The following RNF212B variants were observed in gnomAD, a reference collection of about 807,000 sequenced individuals.
The protein encoded by RNF212B is E3 ubiquitin-protein ligase RNF212B.
A neutral mutation model predicts 55.5 loss-of-function variants in RNF212B; 52 were observed. The observed-to-expected ratio is 0.94, with a 90% CI of 0.75 to 1.18. The LOEUF (loss-of-function observed/expected upper bound fraction) is 1.18. RNF212B is among the 50% of genes most tolerant of loss of function. The pLI, the probability that RNF212B is intolerant of heterozygous loss-of-function variation, is 0.00. For missense variants in RNF212B, 289 were observed against 350.4 expected (o/e 0.82, Z 1.40); for synonymous variants, 99 against 121.4 (o/e 0.82, Z 1.21).
intron 2 of RNF212B, among the ~76,000 whole-genome samples, chr14:23,194,734 C>CAA (rs34019946): frequency 0.062 from 4,649 of 74,568 alleles, 513 homozygotes; most frequent in South Asian, 0.13. Context: ...GACTCTGTCT[C>CAA]AAAAAAAAAA....
chr14:23,197,885 A>G (rs1878885736), intron 2 of RNF212B, among the ~76,000 whole-genome samples: 1 of 151,820 alleles, frequency 6.6e-6, no homozygotes. Context: ...GCCATTTCAT[A>G]GGATTTGGGA....
chr14:23,267,435 ATT>A (rs541785125), intron 11 of RNF212B, among the ~76,000 whole-genome samples: 2 of 144,012 alleles, frequency 1.4e-5, no homozygotes. Flanking sequence ...TCTTGTAACA[ATT>A]TTTTTTTTTT....
intron 2 of RNF212B, among the ~76,000 whole-genome samples, chr14:23,208,231 T>G (rs1166298034): frequency 6.6e-6 from 1 of 152,152 alleles, no homozygotes; most frequent in Non-Finnish European, 1.5e-5. Context: ...TTCAAAAGAC[T>G]TAGGAGTCAG....
At chr14:23,215,367 A>G (rs1317044336) in intron 2 of RNF212B, among the ~76,000 whole-genome samples, 2 of 152,192 alleles carry the variant, frequency 1.3e-5, no homozygotes, top group African/African-American at 4.8e-5. Flanking sequence ...ACAGTTTCCT[A>G]TGGAGAAACA....
intron 2 of RNF212B, among the ~76,000 whole-genome samples, chr14:23,225,850 T>C (rs1326085132): frequency 6.6e-6 from 1 of 152,142 alleles, no homozygotes; most frequent in East Asian, 1.9e-4. Context: ...TTGGATTGTT[T>C]GTAACACAAA....
intron 2 of RNF212B, among the ~76,000 whole-genome samples, chr14:23,208,981 A>G (rs895810611): frequency 6.6e-5 from 10 of 151,700 alleles, no homozygotes; most frequent in Admixed American, 3.3e-4. Context: ...GATGGTCTCG[A>G]TCTCCTGACC....
chr14:23,254,068 C>T (rs117790239), intron 4 of RNF212B, among the ~76,000 whole-genome samples: 2,059 of 152,092 alleles, frequency 0.014, 18 homozygotes, highest in Middle Eastern at 0.031. Flanking sequence ...GGCTAGATCC[C>T]AGGAGTTTGA....
intron 2 of RNF212B, among the ~76,000 whole-genome samples, chr14:23,202,250 TAAAA>T (rs57327070): frequency 1.0e-4 from 14 of 134,026 alleles, no homozygotes; most frequent in Admixed American, 7.5e-5. Flanking sequence ...GACCCTGTCT[TAAAA>T]AAAAAAAAAA....
At chr14:23,244,203 A>C in intron 3 of RNF212B, 119 bp from the exon 4 acceptor site, 1 of 556,886 alleles carries the variant, frequency 1.8e-6, no homozygotes, top group Non-Finnish European at 3.1e-6. Context: ...TCCCTTTTAC[A>C]CACAGTGGAG....
intron 2 of RNF212B, among the ~76,000 whole-genome samples, chr14:23,211,690 A>G (rs1438109965): frequency 6.6e-6 from 1 of 152,248 alleles, no homozygotes; most frequent in African/African-American, 2.4e-5. Flanking sequence ...AAAACAATGT[A>G]ATTCACCATA....
At chr14:23,195,809 G>A (rs754695042) in intron 2 of RNF212B, among the ~76,000 whole-genome samples, 4 of 152,116 alleles carry the variant, frequency 2.6e-5, no homozygotes, top group Admixed American at 6.5e-5. Context: ...GTTTAATTTC[G>A]TTTAACCTTC....
chr14:23,214,102 C>T (rs1440065071), intron 2 of RNF212B, among the ~76,000 whole-genome samples: 1 of 152,148 alleles, frequency 6.6e-6, no homozygotes. Flanking sequence ...CATAGTGAGA[C>T]TCTGTATCTT....
chr14:23,259,073 T>C (rs1035184577), intron 5 of RNF212B, among the ~76,000 whole-genome samples: 11 of 151,864 alleles, frequency 7.2e-5, no homozygotes, highest in Non-Finnish European at 1.5e-4. Flanking sequence ...ACACCTGTAG[T>C]CCCAGCTACT....
chr14:23,189,738 G>A (rs1877938096), intron 1 of RNF212B, among the ~76,000 whole-genome samples: 1 of 152,152 alleles, frequency 6.6e-6, no homozygotes, highest in Non-Finnish European at 1.5e-5. Flanking sequence ...GAGCCACAGG[G>A]TTGGGGCTGC....
chr14:23,188,716 A>G (rs1877836707), intron 1 of RNF212B, among the ~76,000 whole-genome samples: 1 of 152,078 alleles, frequency 6.6e-6, no homozygotes, highest in African/African-American at 2.4e-5. Context: ...GAGTTCCTCC[A>G]GCCTCAGCTT....
At chr14:23,226,704 G>A (rs1162500707) in intron 2 of RNF212B, among the ~76,000 whole-genome samples, 1 of 152,018 alleles carries the variant, frequency 6.6e-6, no homozygotes, top group African/African-American at 2.4e-5. Context: ...AGGCATCTTC[G>A]TGGTGCTGGA....
At chr14:23,224,029 G>T (rs764165201) in intron 2 of RNF212B, among the ~76,000 whole-genome samples, 1 of 152,068 alleles carries the variant, frequency 6.6e-6, no homozygotes, top group Non-Finnish European at 1.5e-5. Flanking sequence ...ATTAACCAAA[G>T]AAGTAAAAGA....
chr14:23,256,530 C>G lies in RNF212B; in HGVS notation c.229-2019C>G, dbSNP rs530195366. Among the ~76,000 whole-genome samples, 12 of 152,212 alleles carry G rather than the reference C, an allele frequency of 7.9e-5. No individual in the cohort carries two copies. In the South Asian group the frequency reaches 2.5e-3, roughly 32 times the overall value. Reference sequence around the variant, plus strand: ...GGAATTACAGGTGCACGCCACCATGCCTGGCTAATTTTTGCATTTTTAATA... The same window carrying G: ...GGAATTACAGGTGCACGCCACCATGGCTGGCTAATTTTTGCATTTTTAATA... On this transcript the variant is annotated intron_variant, in intron 4 of 14. Coordinates refer to ENST00000430154, the MANE Select transcript of RNF212B (RefSeq NM_001282322.3).
At chr14:23,253,007 T>C (rs1034980340) in intron 4 of RNF212B, among the ~76,000 whole-genome samples, 1 of 152,110 alleles carries the variant, frequency 6.6e-6, no homozygotes, top group Admixed American at 6.6e-5. Flanking sequence ...TTTATTTTCA[T>C]GCATCCATCA....
Sources: allele counts gnomAD v4.1 joint callset (sites outside exome capture counted in the v4.1 genomes callset), GRCh38; gene constraint gnomAD v4.1.1; transcripts MANE v1.5; gene names NCBI Gene and HGNC (gene_info 2026-07-23, HGNC 2026-07-21).